Variants in ALDH3B1 observed in about 807,000 individuals in gnomAD.
ALDH3B1 encodes aldehyde dehydrogenase family 3 member B1.
ALDH3B1 carries 37 observed loss-of-function variants against 46.2 expected under a neutral mutation model. That is an observed-to-expected ratio of 0.80 (90% confidence interval 0.62 to 1.05). The LOEUF is 1.05. ALDH3B1 is among the 50% of genes least tolerant of loss of function. The pLI, the probability that ALDH3B1 is intolerant of heterozygous loss-of-function variation, is 0.00. For missense variants in ALDH3B1, 603 were observed against 665.5 expected (o/e 0.91, Z 1.03); for synonymous variants, 283 against 281.0 (o/e 1.01, Z -0.07).
In ALDH3B1 at chr11:68,018,541, G is replaced by C; in HGVS notation, c.177G>C (p.Ser59=). The change falls in exon 3 of 10, where the codon TCG becomes TCC. Residue 59 remains serine, a synonymous_variant. Coordinates refer to ENST00000342456, the MANE Select transcript of ALDH3B1 (RefSeq NM_000694.4). ...AQDLHKSAFE[S]EVSEVAISQG... is the part of the protein sequence containing the mutation. Reference sequence around the variant, plus strand: ...ACTTCCTGCAGTCAGCCTTCGAGTCGGAGGTGTCTGAGGTTGCCATCAGCC... The same window carrying C: ...ACTTCCTGCAGTCAGCCTTCGAGTCCGAGGTGTCTGAGGTTGCCATCAGCC... 6.4e-7 allele frequency: 1 copy of C among 1,573,620 alleles called. No homozygotes were observed. Among genetic ancestry groups the C allele is most frequent in the Non-Finnish European group, 8.6e-7 (1 of 1,159,724 alleles).
intron 7 of ALDH3B1, 72 bp downstream of exon 7, chr11:68,021,943 C>T (rs1323300202): frequency 2.0e-6 from 3 of 1,522,738 alleles, no homozygotes; most frequent in Non-Finnish European, 2.6e-6. Context: ...CAAGGCTGGG[C>T]CACAACTCTG....
chr11:68,022,463 G>C lies in ALDH3B1; in HGVS notation c.950-132G>C. On this transcript the variant is annotated intron_variant, in intron 7 of 9. Transcript: ENST00000342456. ...TTCTTCCCTAAACACTCCAAAGCCT[G>C]AAGCCTTGGGAAGTCAGACCTTGGG... 3 of 1,245,192 alleles carry C rather than the reference G, an allele frequency of 2.4e-6. No homozygotes were observed. The Admixed American group carries it at 8.1e-5, about 34-fold the overall frequency. 77.1% of individuals were successfully genotyped at this position (1,245,192 alleles called of 1,614,324 possible). A position where few individuals can be genotyped will look rare whatever the true frequency, so the allele number is the denominator to read the frequency against.
chr11:68,022,578 GTC>G lies in ALDH3B1; in HGVS notation c.950-13_950-12del. ...CTGACTGTGGCCCCAGGGCTGAGCT[GTC>G]TCTGGTGCCTGCAGCCCCCACGGTG... On this transcript the variant is annotated splice_polypyrimidine_tract_variant and intron_variant, in intron 7 of 9. Transcript: ENST00000342456. 1 of 1,612,602 alleles carries G rather than the reference GTC, an allele frequency of 6.2e-7. No individual in the cohort carries two copies. Among genetic ancestry groups the G allele is most frequent in the Non-Finnish European group, 8.5e-7 (1 of 1,179,636 alleles).
At position 68,018,605 on chromosome 11, in the gene ALDH3B1, T is replaced by A. The variant is rs776851485; in HGVS notation, c.241T>A (p.Trp81Arg). ...VTLALRNLRA[W>R]MKDERVPKNL... is the part of the protein sequence containing the mutation. ...CCTGGCCCTCAGGAACCTCCGGGCC[T>A]GGATGAAGGACGAGCGTGTGCCCAA... Residue 81 changes from tryptophan (W) to arginine (R), a missense_variant, in exon 3 of 10, where the codon TGG becomes AGG. Trp to Arg is a moderately radical substitution (Grantham distance 101). Transcript: ENST00000342456. 1.3e-6 allele frequency: 2 copies of A among 1,581,730 alleles called. No homozygotes were observed. The highest frequency in any genetic ancestry group is 1.7e-4 in the Middle Eastern group (1 of 6,026).
intron 7 of ALDH3B1, 102 bp downstream of exon 7, chr11:68,021,973 GC>G (rs1174143617): frequency 6.6e-7 from 1 of 1,504,036 alleles, no homozygotes; most frequent in East Asian, 2.3e-5. Context: ...CTGAAACCTG[GC>G]CCCACTGCCA....
intron 8 of ALDH3B1, chr11:68,025,221 C>A (rs1412387483): frequency 6.6e-6 from 1 of 152,312 alleles, no homozygotes; most frequent in Non-Finnish European, 1.5e-5. Context: ...GCTCCATCTC[C>A]TCCATCTGCT....
rs930413694 is a variant in ALDH3B1 at position 68,028,506 on chromosome 11, G to A, written c.*567G>A. On this transcript the variant is annotated 3_prime_UTR_variant, in exon 10 of 10. Transcript: ENST00000342456. ...AGCCTGGCTAACATGGCGAAACCCC[G>A]TCTCTACTAAAAATACAAAAATTAG... 5.5e-5 allele frequency: 11 copies of A among 198,910 alleles called. No individual in the cohort carries two copies. The highest frequency in any genetic ancestry group is 9.3e-5 in the African/African-American group (4 of 42,868). 12.3% of individuals were successfully genotyped at this position (198,910 alleles called of 1,614,324 possible).
chr11:68,010,496 G>A (rs969215583), intron 1 of ALDH3B1, 104 bp downstream of exon 1: 6 of 152,390 alleles, frequency 3.9e-5, no homozygotes, highest in African/African-American at 1.4e-4. Context: ...CCTAGCCACC[G>A]GCAGCTGCAC....
At position 68,016,612 on chromosome 11, in the gene ALDH3B1, G is replaced by A. The variant is rs1442089007; in HGVS notation, c.162+1153G>A. 2.6e-5 allele frequency: 4 copies of A among 152,600 alleles called. No individual in the cohort carries two copies. The East Asian group carries it at 7.7e-4, about 29-fold the overall frequency. 9.5% of individuals were successfully genotyped at this position (152,600 alleles called of 1,614,324 possible). A position where few individuals can be genotyped will look rare whatever the true frequency, so the allele number is the denominator to read the frequency against. On this transcript the variant is annotated intron_variant, in intron 2 of 9. Transcript: ENST00000342456. ...ATGCACCTGCCTGCCCCTGCCTCAG[G>A]ACACCTGCCCCTGCCTCAGGACACC...
intron 5 of ALDH3B1, 29 bp from the exon 6 acceptor site, chr11:68,019,686 G>C: frequency 6.2e-7 from 1 of 1,611,524 alleles, no homozygotes; most frequent in African/African-American, 1.3e-5. Context: ...TGGGGTCCCA[G>C]AAGGAGCCTC....
At chr11:68,022,037 T>G (rs1346254042) in intron 7 of ALDH3B1, among the ~76,000 whole-genome samples, 166 bp downstream of exon 7, 1 of 152,232 alleles carries the variant, frequency 6.6e-6, no homozygotes, top group Non-Finnish European at 1.5e-5. Flanking sequence ...TCTGTGCTTC[T>G]AAGTCTGTGG....
intron 6 of ALDH3B1, among the ~76,000 whole-genome samples, chr11:68,020,261 C>A (rs929572144): frequency 6.6e-6 from 1 of 152,194 alleles, no homozygotes; most frequent in Admixed American, 6.5e-5. Flanking sequence ...CAGAGTCTTG[C>A]TCTGTCACCC....
intron 8 of ALDH3B1, among the ~76,000 whole-genome samples, chr11:68,023,108 G>A (rs1476539477): frequency 1.3e-5 from 2 of 152,138 alleles, no homozygotes; most frequent in Non-Finnish European, 2.9e-5. Context: ...CACAGGCAAC[G>A]TGTCGGGGAT....
intron 6 of ALDH3B1, among the ~76,000 whole-genome samples, chr11:68,021,207 C>A (rs4646813): frequency 3.3e-5 from 5 of 151,942 alleles, no homozygotes; most frequent in Non-Finnish European, 5.9e-5. Context: ...CAAGCAGAGG[C>A]GGGAGGAGCC....
At chr11:68,019,903 T>G in intron 6 of ALDH3B1, 107 bp downstream of exon 6, 1 of 1,179,702 alleles carries the variant, frequency 8.5e-7, no homozygotes, top group Non-Finnish European at 1.2e-6. Context: ...TTCTCCTCTC[T>G]CTCTCTCTCT....
Position 68,012,175 on chromosome 11 carries a change from C to G in ALDH3B1, c.-2+1783C>G, listed in dbSNP as rs375380745. On this transcript the variant is annotated intron_variant, in intron 1 of 9. Transcript: ENST00000342456. Reference sequence around the variant, plus strand: ...CAGGGTGTGAACGAGCAGGGAGTCCCTGCCCAGGGACGGTCCCTGCTGTGA... The same window carrying G: ...CAGGGTGTGAACGAGCAGGGAGTCCGTGCCCAGGGACGGTCCCTGCTGTGA... Among the ~76,000 whole-genome samples, 6 of 152,312 alleles carry G rather than the reference C, an allele frequency of 3.9e-5. No individual in the cohort carries two copies. In the South Asian group the frequency reaches 8.3e-4, roughly 21 times the overall value.
intron 1 of ALDH3B1, among the ~76,000 whole-genome samples, chr11:68,011,250 G>C (rs1185073079): frequency 6.6e-6 from 1 of 152,220 alleles, no homozygotes; most frequent in Admixed American, 6.5e-5. Context: ...AGGCAGAAAG[G>C]AGGAAACAGA....
intron 6 of ALDH3B1, 58 bp from the exon 7 acceptor site, chr11:68,021,427 G>A (rs1857489098): frequency 1.9e-6 from 3 of 1,563,126 alleles, no homozygotes; most frequent in Non-Finnish European, 2.6e-6. Flanking sequence ...CCGTGGGCTG[G>A]GCCATCCCGC....
intron 1 of ALDH3B1, among the ~76,000 whole-genome samples, chr11:68,013,322 G>A (rs1329886921): frequency 6.6e-6 from 1 of 152,182 alleles, no homozygotes; most frequent in Non-Finnish European, 1.5e-5. Context: ...TTGCTGGAAT[G>A]TTCCCTGCAG....
Sources: gnomAD v4.1 joint callset for allele counts (sites outside exome capture counted in the v4.1 genomes callset) on GRCh38, gnomAD v4.1.1 for gene constraint, MANE v1.5 for transcripts, NCBI Gene and HGNC (gene_info 2026-07-23, HGNC 2026-07-21) for gene names.